The following PTGER3 variants were observed in gnomAD, a reference collection of about 807,000 sequenced individuals.
PTGER3 encodes the protein prostaglandin E receptor 3.
In PTGER3, 22 loss-of-function variants were observed where a neutral mutation model predicts 34.7. The observed-to-expected ratio is 0.63, with a 90% CI of 0.45 to 0.91. The LOEUF is 0.91. PTGER3 is among the 40% of genes least tolerant of loss of function. The pLI is 0.00. For synonymous variants in PTGER3, 241 were observed against 230.1 expected (o/e 1.05, Z -0.43); for missense variants, 468 against 519.4 (o/e 0.90, Z 0.96).
intron 4 of PTGER3, among the ~76,000 whole-genome samples, chr1:70,930,295 A>G (rs1648559897): frequency 6.6e-6 from 1 of 152,186 alleles, no homozygotes. Context: ...GTGGCTAACC[A>G]CAACCACCTC....
At chr1:71,008,880 T>C in intron 2 of PTGER3, 19 of 964,928 alleles carry the variant, frequency 2.0e-5, no homozygotes, top group Non-Finnish European at 2.2e-5. Flanking sequence ...AAATACTCTG[T>C]AGTCTCCCTG....
downstream of PTGER3, among the ~76,000 whole-genome samples, chr1:70,966,513 C>T (rs564444501): frequency 9.9e-5 from 15 of 152,134 alleles, no homozygotes; most frequent in African/African-American, 2.9e-4. Context: ...GATGCATGCA[C>T]AAAACGTGCA....
At chr1:70,967,085 A>G (rs1652604139), downstream of PTGER3, among the ~76,000 whole-genome samples, 1 of 152,054 alleles carries the variant, frequency 6.6e-6, no homozygotes, top group South Asian at 2.1e-4. Context: ...ATGTCATGCC[A>G]TGTTAAAAAA....
At chr1:70,865,679 C>CT (rs748377541) in intron 4 of PTGER3, 60 of 1,365,870 alleles carry the variant, frequency 4.4e-5, no homozygotes, top group African/African-American at 7.4e-5. Context: ...AATGTGGAGT[C>CT]TTTACTTACT....
chr1:70,948,311 A>C (rs1650412700), downstream of PTGER3, among the ~76,000 whole-genome samples: 3 of 152,036 alleles, frequency 2.0e-5, no homozygotes, highest in Admixed American at 1.3e-4. Context: ...ATGAGATCTG[A>C]TGGTTTTATA....
In PTGER3 at chr1:70,918,706, T is replaced by G. The variant is rs549078777; in HGVS notation, c.*23+35057A>C. Among the ~76,000 whole-genome samples the G allele has an allele frequency of 7.0e-4, 106 of 152,134 alleles. 1 individual carries two copies. The highest frequency in any genetic ancestry group is 2.4e-3 in the African/African-American group (101 of 41,540). On this transcript the variant is annotated intron_variant, in intron 4 of 4. Coordinates refer to the PTGER3 transcript ENST00000370931. ...AAAACCCAGAAAACATTAGAATAGGTGATCCTCTAGCTCCTGACAGCACCA... is the reference window on the plus strand; with the variant it reads ...AAAACCCAGAAAACATTAGAATAGGGGATCCTCTAGCTCCTGACAGCACCA...
At chr1:70,954,774 A>G (rs1189324905) in intron 2 of PTGER3, among the ~76,000 whole-genome samples, 1 of 152,144 alleles carries the variant, frequency 6.6e-6, no homozygotes, top group African/African-American at 2.4e-5. Flanking sequence ...TTTTGTTGTT[A>G]CATAGTTGGG....
chr1:71,016,810 A>C (rs1657947109), intron 1 of PTGER3, among the ~76,000 whole-genome samples: 1 of 151,948 alleles, frequency 6.6e-6, no homozygotes, highest in South Asian at 2.1e-4. Flanking sequence ...CTCAAAAAAA[A>C]AAAAATTGTA....
At chr1:70,873,834 A>G (rs1380316679) in intron 4 of PTGER3, among the ~76,000 whole-genome samples, 1 of 152,010 alleles carries the variant, frequency 6.6e-6, no homozygotes, top group Admixed American at 6.6e-5. Context: ...TCTTTAGCAG[A>G]GACAGGGTTT....
At chr1:71,012,281 G>A in intron 2 of PTGER3, 24 bp downstream of exon 2, 1 of 1,614,100 alleles carries the variant, frequency 6.2e-7, no homozygotes, top group Non-Finnish European at 8.5e-7. Flanking sequence ...CATCATTAGA[G>A]CAGCTGGAGA....
chr1:70,890,873 C>T (rs1646602079), intron 4 of PTGER3, among the ~76,000 whole-genome samples: 1 of 152,138 alleles, frequency 6.6e-6, no homozygotes, highest in Admixed American at 6.5e-5. Flanking sequence ...TCTAGAGTTA[C>T]CTGCAGGAGA....
intron 4 of PTGER3, among the ~76,000 whole-genome samples, chr1:70,914,893 T>C (rs1000205432): frequency 2.0e-5 from 3 of 151,892 alleles, no homozygotes; most frequent in Non-Finnish European, 4.4e-5. Context: ...GAATCAAGAT[T>C]AGGAGACCTG....
chr1:71,006,884 C>T (rs1260763670), intron 2 of PTGER3: 1 of 985,320 alleles, frequency 1.0e-6, no homozygotes, highest in South Asian at 4.7e-5. Context: ...CTTTATTTTC[C>T]ATTGACAAAC....
downstream of PTGER3, among the ~76,000 whole-genome samples, chr1:70,966,408 A>T (rs553759119): frequency 1.2e-3 from 190 of 152,224 alleles, no homozygotes; most frequent in Non-Finnish European, 2.3e-3. Flanking sequence ...AAAATTTTAA[A>T]AAATGAATAT....
chr1:70,983,427 A>G (rs1369754732), intron 2 of PTGER3, among the ~76,000 whole-genome samples: 1 of 152,184 alleles, frequency 6.6e-6, no homozygotes, highest in Admixed American at 6.5e-5. Flanking sequence ...CTCTATGCCC[A>G]CATATCACAG....
At chr1:70,853,559 T>C (rs1645729086) in intron 4 of PTGER3, among the ~76,000 whole-genome samples, 1 of 152,164 alleles carries the variant, frequency 6.6e-6, no homozygotes, top group Non-Finnish European at 1.5e-5. Context: ...AGGTATGAGA[T>C]TATGCCAAAG....
chr1:70,971,986 G>A (rs2100678616), intron 3 of PTGER3, among the ~76,000 whole-genome samples: 1 of 152,168 alleles, frequency 6.6e-6, no homozygotes, highest in African/African-American at 2.4e-5. Context: ...AAGAAATAAG[G>A]AAGAATAGAA....
At chr1:70,890,454 C>G (rs953334803) in intron 4 of PTGER3, among the ~76,000 whole-genome samples, 7 of 152,256 alleles carry the variant, frequency 4.6e-5, no homozygotes, top group African/African-American at 1.7e-4. Context: ...AAAAAGTGGA[C>G]ATCAAAACAA....
intron 4 of PTGER3, among the ~76,000 whole-genome samples, chr1:70,870,186 A>G (rs1572504671): frequency 1.3e-5 from 2 of 152,008 alleles, no homozygotes; most frequent in African/African-American, 4.8e-5. Context: ...TATGGCTTGC[A>G]CCCTCTGGAG....
Sources: allele counts gnomAD v4.1 joint callset (sites outside exome capture counted in the v4.1 genomes callset), GRCh38; gene constraint gnomAD v4.1.1; transcripts MANE v1.5; gene names NCBI Gene and HGNC (gene_info 2026-07-23, HGNC 2026-07-21).